Variants in RABL3 observed in about 807,000 individuals in gnomAD.
RABL3 encodes the protein RAB, member of RAS oncogene family like 3.
RABL3 carries 31 observed loss-of-function variants against 31.8 expected under a neutral mutation model. The observed-to-expected ratio is 0.97, with a 90% CI of 0.73 to 1.31. The LOEUF is 1.31. RABL3 is among the 40% of genes most tolerant of loss of function. RABL3 has a pLI of 0.00. For missense variants in RABL3, 263 were observed against 279.6 expected (o/e 0.94, Z 0.42); for synonymous variants, 97 against 99.9 (o/e 0.97, Z 0.18).
chr3:120,719,817 T>C (rs938587372), intron 2 of RABL3, among the ~76,000 whole-genome samples: 20 of 152,234 alleles, frequency 1.3e-4, no homozygotes, highest in Non-Finnish European at 2.1e-4. Context: ...TGTCCCTGTC[T>C]GACAGCTTTG....
chr3:120,730,682 T>C lies in RABL3; in HGVS notation c.138+14A>G. 2 of 1,578,822 alleles carry C rather than the reference T, an allele frequency of 1.3e-6. No homozygotes were observed. The highest frequency in any genetic ancestry group is 1.7e-6 in the Non-Finnish European group (2 of 1,153,910). On this transcript the variant is annotated intron_variant, in intron 2 of 7. Transcript: ENST00000273375. Reference sequence around the variant, plus strand: ...AGTACATTATTGAAAAACTAAAATATAAAAGACACATACTCTGACATCCAC... The same window carrying C: ...AGTACATTATTGAAAAACTAAAATACAAAAGACACATACTCTGACATCCAC...
chr3:120,720,007 C>G (rs1453527019), intron 2 of RABL3, among the ~76,000 whole-genome samples: 2 of 152,154 alleles, frequency 1.3e-5, no homozygotes, highest in Admixed American at 1.3e-4. Flanking sequence ...AACAATCAGG[C>G]AGCAACATTT....
rs1708824546 is a variant in RABL3, at chr3:120,726,643, C to G, written c.138+4053G>C. ...CCTGTAATCCCATCTACTCAGGAGG[C>G]TGAGGGAGGAGAATCGCTTGAACCC... On this transcript the variant is annotated intron_variant, in intron 2 of 7. Coordinates refer to ENST00000273375, the MANE Select transcript of RABL3 (RefSeq NM_173825.5). Among the ~76,000 whole-genome samples, 3 of 152,148 alleles carry G rather than the reference C, an allele frequency of 2.0e-5. No individual in the cohort carries two copies. The South Asian group carries it at 6.2e-4, about 32-fold the overall frequency.
In RABL3 at chr3:120,689,787, C is replaced by T. The variant is rs1421143414; in HGVS notation, c.*36G>A. Reference sequence around the variant, plus strand: ...AGCAAGATGAGCTGTGAAAAACTGCCACTGCTTGCTCACTCTTCCAAAGGA... The same window carrying T: ...AGCAAGATGAGCTGTGAAAAACTGCTACTGCTTGCTCACTCTTCCAAAGGA... On this transcript the variant is annotated 3_prime_UTR_variant, in exon 8 of 8. Transcript: ENST00000273375. 1.4e-6 allele frequency: 2 copies of T among 1,436,448 alleles called. No homozygotes were observed. The highest frequency in any genetic ancestry group is 2.8e-5 in the African/African-American group (2 of 71,230). The allele number at this position is 1,436,448 out of a possible 1,614,324, so 89.0% of individuals were successfully genotyped here. A position where few individuals can be genotyped will look rare whatever the true frequency, so the allele number is the denominator to read the frequency against.
rs1223719536 is a variant in RABL3 at position 120,709,905 on chromosome 3, T to G, written c.143A>C (p.His48Pro). The change falls in exon 3 of 8, where the codon CAT (histidine) becomes CCT (proline). Residue 48 changes from histidine (H) to proline (P), a missense_variant. Physicochemically the swap from His to Pro is moderately conservative, Grantham distance 77 (BLOSUM62 -2). Coordinates refer to ENST00000273375, the MANE Select transcript of RABL3 (RefSeq NM_173825.5). The part of the protein sequence containing the change: ...TVGCSVDVRV[H>P]DYKEGTPEEK... The stretch of plus-strand genomic sequence containing the variant: ...TTCTGGGGTTCCTTCTTTGTAATCA[T>G]GAACCTAACAAATCAATCAATTAAA... 9.4e-6 allele frequency: 15 copies of G among 1,590,506 alleles called. No homozygotes were observed. The South Asian group carries it at 1.6e-4, about 17-fold the overall frequency.
chr3:120,712,987 G>A (rs1708628919), intron 2 of RABL3, among the ~76,000 whole-genome samples: 1 of 151,772 alleles, frequency 6.6e-6, no homozygotes, highest in Non-Finnish European at 1.5e-5. Flanking sequence ...AGTTCCCTAG[G>A]TGATTCTGAT....
chr3:120,731,198 G>A (rs1708878320), intron 1 of RABL3, among the ~76,000 whole-genome samples: 2 of 152,158 alleles, frequency 1.3e-5, no homozygotes, highest in South Asian at 4.1e-4. Context: ...CTATTTTAGA[G>A]TTGTAGAATC....
chr3:120,685,260 G>T lies in RABL3; in HGVS notation c.*4563C>A, dbSNP rs1708295947. 6.6e-6 allele frequency among the ~76,000 whole-genome samples: 1 copy of T among 152,218 alleles called. No homozygotes were observed. Among genetic ancestry groups the T allele is most frequent in the African/African-American group, 2.4e-5 (1 of 41,460 alleles). ...AGTAATCACTCCAAAACGGAGTTAG[G>T]CATCAGAGGACTCCAGGACAGATGT... On this transcript the variant is annotated 3_prime_UTR_variant, in exon 8 of 8. Coordinates refer to ENST00000273375, the MANE Select transcript of RABL3 (RefSeq NM_173825.5).
At chr3:120,717,196 T>C (rs1010075005) in intron 2 of RABL3, among the ~76,000 whole-genome samples, 18 of 149,564 alleles carry the variant, frequency 1.2e-4, no homozygotes, top group African/African-American at 4.5e-4. Context: ...GTGGAGGTTG[T>C]AGTGAGCCAA....
chr3:120,725,960 G>T (rs1372996901), intron 2 of RABL3, among the ~76,000 whole-genome samples: 1 of 151,928 alleles, frequency 6.6e-6, no homozygotes, highest in Admixed American at 6.6e-5. Flanking sequence ...AAAAATTAAA[G>T]AAAAAAACTA....
intron 3 of RABL3, among the ~76,000 whole-genome samples, chr3:120,708,164 T>C (rs1400677282): frequency 6.6e-6 from 1 of 151,880 alleles, no homozygotes; most frequent in South Asian, 2.1e-4. Context: ...GGAAGAATGT[T>C]CCAGAGCTAA....
At chr3:120,694,114 A>G in intron 6 of RABL3, 39 bp downstream of exon 6, 1 of 1,369,026 alleles carries the variant, frequency 7.3e-7, no homozygotes, top group Non-Finnish European at 1.0e-6. Flanking sequence ...CTCATAATAT[A>G]TAAATTAAGT....
rs150661879 is a variant in RABL3 at position 120,704,064 on chromosome 3, C to T, written c.383+1936G>A. Among the ~76,000 whole-genome samples, 82 of 152,294 alleles carry T rather than the reference C, an allele frequency of 5.4e-4. No individual in the cohort carries two copies. In the East Asian group the frequency reaches 7.9e-3, roughly 15 times the overall value. On this transcript the variant is annotated intron_variant, in intron 4 of 7. Transcript: ENST00000273375. ...CTTCCAATTAATTCTATGAGGCCAA[C>T]ATTATCCTCACACCAAAACCAGTCA...
At chr3:120,726,180 T>C (rs893166721) in intron 2 of RABL3, among the ~76,000 whole-genome samples, 1 of 152,150 alleles carries the variant, frequency 6.6e-6, no homozygotes, top group East Asian at 1.9e-4. Context: ...TATTTCCTAT[T>C]GCTTTTTCAA....
chr3:120,709,801 CTGCTCTTG>C lies in RABL3; in HGVS notation c.239_246del (p.Thr80SerfsTer18). The stretch of plus-strand genomic sequence containing the variant: ...TTACCATTTACGGAGTTGTAGAATA[CTGCTCTTG>C]TGCTTTTCACGCTGCTGGCACTGCC... On this transcript the variant is annotated frameshift_variant, in exon 3 of 8. Transcript: ENST00000273375. LOFTEE classifies it high-confidence loss of function. 6.2e-7 allele frequency: 1 copy of C among 1,611,856 alleles called. No individual in the cohort carries two copies. Among genetic ancestry groups the C allele is most frequent in the Non-Finnish European group, 8.5e-7 (1 of 1,178,374 alleles).
rs1167102353 is a variant in RABL3 at position 120,705,996 on chromosome 3, T to C, written c.383+4A>G. The C allele has an allele frequency of 6.5e-7, 1 of 1,545,858 alleles. No individual in the cohort carries two copies. The highest frequency in any genetic ancestry group is 8.9e-7 in the Non-Finnish European group (1 of 1,117,662). ...CTTTCAAACCAATTGTGAAATTGGC[T>C]CACCCATTTGTCACCAAGACTCCAG... On this transcript the variant is annotated splice_donor_region_variant and intron_variant, in intron 4 of 7. Coordinates refer to ENST00000273375, the MANE Select transcript of RABL3 (RefSeq NM_173825.5).
intron 7 of RABL3, 40 bp downstream of exon 7, chr3:120,690,409 A>G: frequency 6.9e-7 from 1 of 1,447,466 alleles, no homozygotes; most frequent in Non-Finnish European, 9.7e-7. Flanking sequence ...TCACCTATCA[A>G]AATTTAAGAA....
intron 1 of RABL3, among the ~76,000 whole-genome samples, chr3:120,739,248 G>A (rs1272513244): frequency 1.3e-5 from 2 of 152,032 alleles, no homozygotes; most frequent in Non-Finnish European, 2.9e-5. Flanking sequence ...GTGGTGGTGG[G>A]TGCCTGTAAT....
chr3:120,738,340 G>C (rs1708998132), intron 1 of RABL3, among the ~76,000 whole-genome samples: 1 of 152,212 alleles, frequency 6.6e-6, no homozygotes, highest in African/African-American at 2.4e-5. Context: ...TGTTTGCTAA[G>C]ACCATTGGAA....
Sources: gnomAD v4.1 joint callset for allele counts (sites outside exome capture counted in the v4.1 genomes callset) on GRCh38, gnomAD v4.1.1 for gene constraint, MANE v1.5 for transcripts, NCBI Gene and HGNC (gene_info 2026-07-23, HGNC 2026-07-21) for gene names.